CEP290: variants seen among roughly 807,000 people sequenced by gnomAD.
CEP290 encodes the protein centrosomal protein 290.
Under a neutral mutation model 344.9 loss-of-function variants are expected in CEP290, and 317 were observed. The ratio of observed to expected loss-of-function variants is 0.92; its 90% CI spans 0.84 to 1.01. The LOEUF is 1.01. Ranked by LOEUF, CEP290 falls within the 50% of genes least tolerant of loss-of-function variation. The pLI is 0.00. For synonymous variants in CEP290, 932 were observed against 895.8 expected (o/e 1.04, Z -0.72); for missense variants, 2,754 against 2,761.4 (o/e 1.00, Z 0.06).
At chr12:88,075,622 A>C (rs1308129862) in intron 41 of CEP290, among the ~76,000 whole-genome samples, 2 of 152,270 alleles carry the variant, frequency 1.3e-5, no homozygotes, top group East Asian at 3.9e-4. Flanking sequence ...GGAGAATGAA[A>C]TGCAAGGCAC....
chr12:88,076,587 A>G (rs912497732), intron 41 of CEP290, among the ~76,000 whole-genome samples: 2 of 149,002 alleles, frequency 1.3e-5, no homozygotes, highest in African/African-American at 4.9e-5. Flanking sequence ...AAATTTAATT[A>G]CACGCATTTT....
At chr12:88,134,545 G>A (rs2040251159) in intron 6 of CEP290, among the ~76,000 whole-genome samples, 1 of 152,084 alleles carries the variant, frequency 6.6e-6, no homozygotes, top group South Asian at 2.1e-4. Flanking sequence ...CTCTCCAGAG[G>A]ATCATAAAAA....
chr12:88,122,642 A>C (rs2039475991), intron 13 of CEP290, among the ~76,000 whole-genome samples: 1 of 152,168 alleles, frequency 6.6e-6, no homozygotes, highest in Admixed American at 6.6e-5. Flanking sequence ...TTATCAGATA[A>C]GTCCTTTTCC....
rs574714028 is a variant in CEP290 at position 88,088,977 on chromosome 12, G to A, written c.4029+55C>T. Reference sequence around the variant, plus strand: ...GTTTGCACCACTGAACTCCAGCCTGGGAAACAGATCAAGATACTGTCTCTT... The same window carrying A: ...GTTTGCACCACTGAACTCCAGCCTGAGAAACAGATCAAGATACTGTCTCTT... On this transcript the variant is annotated intron_variant, in intron 31 of 53. Coordinates refer to ENST00000552810, the MANE Select transcript of CEP290 (RefSeq NM_025114.4). 767 of 1,295,788 alleles carry A rather than the reference G, an allele frequency of 5.9e-4. 1 individual carries two copies. The highest frequency in any genetic ancestry group is 7.0e-4 in the Non-Finnish European group (670 of 959,092). 80.3% of individuals were successfully genotyped at this position (1,295,788 alleles called of 1,614,324 possible). A position where few individuals can be genotyped will look rare whatever the true frequency, so the allele number is the denominator to read the frequency against.
chr12:88,060,779 T>A, intron 47 of CEP290, 51 bp downstream of exon 47: 2 of 1,374,142 alleles, frequency 1.5e-6, no homozygotes, highest in South Asian at 1.4e-5. Context: ...TCCTAAATAG[T>A]AACAAAACGT....
At chr12:88,075,526 GT>G (rs1299157977) in intron 41 of CEP290, among the ~76,000 whole-genome samples, 1 of 151,350 alleles carries the variant, frequency 6.6e-6, no homozygotes, top group Non-Finnish European at 1.5e-5. Context: ...TGCCATCAAA[GT>G]TTATGGTCTA....
intron 9 of CEP290, 65 bp from the exon 10 acceptor site, chr12:88,129,941 T>A: frequency 9.3e-7 from 1 of 1,073,624 alleles, no homozygotes; most frequent in Non-Finnish European, 1.3e-6. Flanking sequence ...TAAACCAAAT[T>A]AAAATTAAAC....
intron 5 of CEP290, among the ~76,000 whole-genome samples, chr12:88,137,481 A>C (rs1170373993): frequency 6.6e-6 from 1 of 152,224 alleles, no homozygotes; most frequent in East Asian, 1.9e-4. Context: ...ATGGCCAAGA[A>C]CATCAAATCA....
intron 14 of CEP290, among the ~76,000 whole-genome samples, chr12:88,120,712 C>T (rs1592641661): frequency 1.3e-5 from 2 of 152,248 alleles, no homozygotes; most frequent in Admixed American, 1.3e-4. Flanking sequence ...GGTGTCACAT[C>T]TACATGGTGG....
chr12:88,124,597 T>C (rs1229615457), intron 13 of CEP290, among the ~76,000 whole-genome samples: 2 of 150,172 alleles, frequency 1.3e-5, no homozygotes, highest in Non-Finnish European at 3.0e-5. Context: ...TATATATATA[T>C]GACATGAAGA....
At chr12:88,100,870 G>T (rs973200023) in intron 26 of CEP290, among the ~76,000 whole-genome samples, 3 of 152,110 alleles carry the variant, frequency 2.0e-5, no homozygotes, top group Non-Finnish European at 4.4e-5. Flanking sequence ...ATATAGAAAA[G>T]AGCACGTACA....
At chr12:88,054,940 G>C (rs1225667472) in intron 50 of CEP290, among the ~76,000 whole-genome samples, 1 of 152,082 alleles carries the variant, frequency 6.6e-6, no homozygotes, top group African/African-American at 2.4e-5. Context: ...AAACGAGTTT[G>C]GATTGTTTAA....
At chr12:88,141,719 AC>A (rs1376520185) in intron 1 of CEP290, among the ~76,000 whole-genome samples, 180 bp downstream of exon 1, 1 of 152,182 alleles carries the variant, frequency 6.6e-6, no homozygotes, top group Non-Finnish European at 1.5e-5. Flanking sequence ...CTGAAAAAAA[AC>A]GCAGAAATTA....
chr12:88,092,844 T>A lies in CEP290; in HGVS notation c.3310-12A>T. 1 of 1,607,360 alleles carries A rather than the reference T, an allele frequency of 6.2e-7. No individual in the cohort carries two copies. The highest frequency in any genetic ancestry group is 1.7e-5 in the Admixed American group (1 of 58,720). On this transcript the variant is annotated splice_polypyrimidine_tract_variant and intron_variant, in intron 28 of 53. Transcript: ENST00000552810. ...TTGATTTTGGTAAGCTAAGGAAATG[T>A]AACAAAAAATGTTCAGATACATCAA... is the stretch of plus-strand genomic sequence containing the variant.
chr12:88,080,044 C>A lies in CEP290; in HGVS notation c.5226+138G>T, dbSNP rs78848781. 399 of 613,682 alleles carry A rather than the reference C, an allele frequency of 6.5e-4. 7 individuals are homozygous for A. In the East Asian group the frequency reaches 0.011, roughly 17 times the overall value. The allele number at this position is 613,682 out of a possible 1,614,324, so 38.0% of individuals were successfully genotyped here. A position where few individuals can be genotyped will look rare whatever the true frequency, so the allele number is the denominator to read the frequency against. On this transcript the variant is annotated intron_variant, in intron 38 of 53. Transcript: ENST00000552810. ...GCATTGTCTAAAATACCTTGTTTAA[C>A]AGCATAAGATAAAGCTCATACTTTT...
rs1296048545 is a variant in CEP290, at chr12:88,077,254, C to T, written c.5677G>A (p.Glu1893Lys). The T allele has an allele frequency of 6.2e-7, 1 of 1,605,594 alleles. No individual in the cohort carries two copies. Among genetic ancestry groups the T allele is most frequent in the Admixed American group, 1.7e-5 (1 of 59,170 alleles). ...KLENQLEGKV[E>K]EVDLKPMKEK... ...TTCATAGGTTTTAGGTCTACTTCCT[C>T]CACCTTTCCCTCTAATTGGTTCTCT... is the stretch of plus-strand genomic sequence containing the variant. The change falls in exon 41 of 54, where the codon GAG (glutamate) becomes AAG (lysine). Residue 1893 changes from glutamate (E) to lysine (K), a missense_variant. Transcript: ENST00000552810.
In CEP290 at chr12:88,063,981, C is replaced by G. The variant is rs748422474; in HGVS notation, c.6270G>C (p.Lys2090Asn). The change falls in exon 45 of 54, where the codon AAG (lysine) becomes AAC (asparagine). Residue 2090 changes from lysine (K) to asparagine (N), a missense_variant and splice_region_variant. Physicochemically the swap from Lys to Asn is moderately conservative, Grantham distance 94. Coordinates refer to ENST00000552810, the MANE Select transcript of CEP290 (RefSeq NM_025114.4). ...EQANKDLPRL[K>N]NQVRDLKEMC... ...TCCTAATAAAAAACATTAAATTCAC[C>G]TTTAATCTTGGCAAATCTTTATTTG... The G allele has an allele frequency of 1.9e-6, 3 of 1,593,274 alleles. No individual in the cohort carries two copies. The highest frequency in any genetic ancestry group is 1.2e-5 in the South Asian group (1 of 86,410).
At chr12:88,089,522 T>C in intron 30 of CEP290, 35 bp from the exon 31 acceptor site, 8 of 1,349,978 alleles carry the variant, frequency 5.9e-6, no homozygotes, top group Non-Finnish European at 7.7e-6. Context: ...TGTAGTAAGT[T>C]TCAAATTTTT....
At chr12:88,126,033 T>C (rs1260771994) in intron 12 of CEP290, among the ~76,000 whole-genome samples, 1 of 152,058 alleles carries the variant, frequency 6.6e-6, no homozygotes, top group Non-Finnish European at 1.5e-5. Flanking sequence ...TTTTTAATCA[T>C]TTCTTGTTAA....
Sources: gnomAD v4.1 joint callset for allele counts (sites outside exome capture counted in the v4.1 genomes callset) on GRCh38, gnomAD v4.1.1 for gene constraint, MANE v1.5 for transcripts, NCBI Gene and HGNC (gene_info 2026-07-23, HGNC 2026-07-21) for gene names.